The following MSRA variants were observed in gnomAD, a reference collection of about 807,000 sequenced individuals.
MSRA encodes the protein mitochondrial peptide methionine sulfoxide reductase.
In MSRA, 54 loss-of-function variants were observed where a neutral mutation model predicts 31.3. That is an observed-to-expected ratio of 1.73 (90% CI 1.39 to 2.17). The LOEUF is 2.17. Among genes scored for constraint, MSRA ranks in the 30% most tolerant of loss-of-function variants. The probability of loss-of-function intolerance (pLI) is 0.00; values close to 1 mark genes in which losing one functional copy is unlikely to be tolerated. For missense variants in MSRA, 507 were observed against 300.9 expected, an observed-to-expected ratio of 1.69 and a Z score of -5.07; for synonymous variants, 169 against 116.5, an observed-to-expected ratio of 1.45 and a Z score of -2.90.
chr8:10,088,460 C>T (rs116405757), intron 1 of MSRA, among the ~76,000 whole-genome samples: 10 of 152,136 alleles, frequency 6.6e-5, no homozygotes, highest in African/African-American at 2.2e-4. Context: ...ACTGGCCAGG[C>T]GTGGTGGCTC....
intron 5 of MSRA, among the ~76,000 whole-genome samples, chr8:10,328,042 T>TTC (rs1802473040): frequency 7.1e-6 from 1 of 139,982 alleles, no homozygotes; most frequent in South Asian, 2.4e-4. Context: ...TTTTTTTTTT[T>TTC]TTTTTTTTTT....
chr8:10,312,636 G>T (rs1027494959), intron 4 of MSRA, among the ~76,000 whole-genome samples: 9 of 152,166 alleles, frequency 5.9e-5, no homozygotes, highest in Non-Finnish European at 1.3e-4. Context: ...GACTATATTT[G>T]CAGAAATCCT....
At chr8:10,217,412 T>A (rs1318322233) in intron 2 of MSRA, among the ~76,000 whole-genome samples, 2 of 152,244 alleles carry the variant, frequency 1.3e-5, no homozygotes, top group African/African-American at 4.8e-5. Context: ...TGGCTCTGGT[T>A]TAACCCAGAA....
chr8:10,239,125 AGAT>A (rs776997360), intron 2 of MSRA, among the ~76,000 whole-genome samples: 1 of 152,192 alleles, frequency 6.6e-6, no homozygotes, highest in Non-Finnish European at 1.5e-5. Context: ...CTATGTGAAG[AGAT>A]GCTCAACCTC....
intron 2 of MSRA, among the ~76,000 whole-genome samples, chr8:10,209,563 G>A (rs1365463436): frequency 6.6e-6 from 1 of 151,558 alleles, no homozygotes; most frequent in East Asian, 1.9e-4. Flanking sequence ...TTATTTTGCA[G>A]TGGGGGGTTG....
At chr8:10,345,717 G>A (rs1025951798) in intron 5 of MSRA, among the ~76,000 whole-genome samples, 5 of 152,050 alleles carry the variant, frequency 3.3e-5, no homozygotes, top group Non-Finnish European at 5.9e-5. Context: ...TGCGTTATTC[G>A]GGTTTCTGTT....
chr8:10,326,837 C>T (rs1367896744), intron 5 of MSRA, among the ~76,000 whole-genome samples: 4 of 152,158 alleles, frequency 2.6e-5, no homozygotes, highest in Non-Finnish European at 5.9e-5. Context: ...AGAAACATTT[C>T]CCAGTATCCT....
chr8:10,417,317 T>G (rs17710558), intron 5 of MSRA, among the ~76,000 whole-genome samples: 4,452 of 152,164 alleles, frequency 0.029, 100 homozygotes, highest in Non-Finnish European at 0.051. Context: ...CAGCAGTGAT[T>G]GATGACTCAC....
chr8:10,326,174 C>T lies in MSRA; in HGVS notation c.543+6185C>T, dbSNP rs375083277. Among the ~76,000 whole-genome samples, 24 of 152,278 alleles carry T rather than the reference C, an allele frequency of 1.6e-4. No individual in the cohort carries two copies. In the East Asian group the frequency reaches 3.3e-3, roughly 21 times the overall value. On this transcript the variant is annotated intron_variant, in intron 5 of 5. Coordinates refer to ENST00000317173, the MANE Select transcript of MSRA (RefSeq NM_012331.5). ...TTTAATAGTCTTCTTCACTAGCCTG[C>T]TCCCAGTGACCCCCTAGTACCCAGC... is the stretch of plus-strand genomic sequence containing the variant.
At position 10,144,662 on chromosome 8, in the gene MSRA, G is replaced by T. The variant is rs1223132744; in HGVS notation, c.143-63171G>T. Among the ~76,000 whole-genome samples, 5 of 144,958 alleles carry T rather than the reference G, an allele frequency of 3.4e-5. No homozygotes were observed. The East Asian group carries it at 8.4e-4, about 24-fold the overall frequency. ...TCTCTGCAATGTGCCCAACCCCCAA[G>T]TATAATTCTGATTGGCTAAATTAAT... On this transcript the variant is annotated intron_variant, in intron 1 of 5. Coordinates refer to ENST00000317173, the MANE Select transcript of MSRA (RefSeq NM_012331.5).
chr8:10,408,334 T>G (rs1449934984), intron 5 of MSRA, among the ~76,000 whole-genome samples: 2 of 152,120 alleles, frequency 1.3e-5, no homozygotes, highest in African/African-American at 4.8e-5. Flanking sequence ...CCCAGGAGTT[T>G]AAGACCACCC....
At chr8:10,235,558 C>G (rs997417464) in intron 2 of MSRA, among the ~76,000 whole-genome samples, 18 of 151,964 alleles carry the variant, frequency 1.2e-4, no homozygotes, top group Admixed American at 9.8e-4. Context: ...AAATAGAAAA[C>G]AGAAAGGAAA....
intron 1 of MSRA, among the ~76,000 whole-genome samples, chr8:10,058,521 C>G (rs1440029507): frequency 6.6e-6 from 1 of 152,122 alleles, no homozygotes; most frequent in African/African-American, 2.4e-5. Flanking sequence ...AGAAATAAAG[C>G]TATGAAAGAG....
chr8:10,183,916 G>C (rs944422528), intron 1 of MSRA, among the ~76,000 whole-genome samples: 2 of 150,402 alleles, frequency 1.3e-5, no homozygotes, highest in South Asian at 2.1e-4. Context: ...GGTGGTGATG[G>C]TCTTGGTGGT....
At chr8:10,365,954 G>A (rs945119847) in intron 5 of MSRA, among the ~76,000 whole-genome samples, 2 of 152,182 alleles carry the variant, frequency 1.3e-5, no homozygotes, top group Admixed American at 1.3e-4. Flanking sequence ...GCTGCAGGAC[G>A]ACCTTCATTC....
rs1038519780 is a variant in MSRA, at chr8:10,054,322, G to C, written c.-195G>C. 3 of 414,204 alleles carry C rather than the reference G, an allele frequency of 7.2e-6. No individual in the cohort carries two copies. The East Asian group carries it at 1.4e-4, about 19-fold the overall frequency. The allele number at this position is 414,204 out of a possible 1,614,324, so 25.7% of individuals were successfully genotyped here. On this transcript the variant is annotated 5_prime_UTR_variant, in exon 1 of 6. Transcript: ENST00000317173. ...GGGAAGGAACACGCCCCCGGTGACAGCCGGTACGGCCCCGGGTTTGGGCAA... is the reference window on the plus strand; with the variant it reads ...GGGAAGGAACACGCCCCCGGTGACACCCGGTACGGCCCCGGGTTTGGGCAA...
intron 1 of MSRA, among the ~76,000 whole-genome samples, chr8:10,122,563 C>T (rs1270531708): frequency 4.0e-5 from 6 of 150,932 alleles, no homozygotes; most frequent in Admixed American, 6.6e-5. Context: ...GTCAGGGATA[C>T]GTGTGCATGT....
intron 1 of MSRA, among the ~76,000 whole-genome samples, chr8:10,076,539 G>C (rs894677198): frequency 2.6e-5 from 4 of 152,202 alleles, no homozygotes; most frequent in Admixed American, 1.3e-4. Flanking sequence ...TGGTCAACAT[G>C]GGTGTGCATT....
intron 5 of MSRA, among the ~76,000 whole-genome samples, chr8:10,363,448 G>C (rs1804969650): frequency 6.6e-6 from 1 of 152,162 alleles, no homozygotes; most frequent in South Asian, 2.1e-4. Flanking sequence ...ACCTCTTGGA[G>C]GAGCTAGGAA....
Sources: allele counts gnomAD v4.1 joint callset (sites outside exome capture counted in the v4.1 genomes callset), GRCh38; gene constraint gnomAD v4.1.1; transcripts MANE v1.5; gene names NCBI Gene and HGNC (gene_info 2026-07-23, HGNC 2026-07-21).